Variants in ARHGAP35 observed in about 807,000 individuals in gnomAD.
ARHGAP35 encodes Rho GTPase activating protein 35, also known as rho GTPase-activating protein 35.
In ARHGAP35, 15 loss-of-function variants were observed where a neutral mutation model predicts 111.1. The observed-to-expected ratio is 0.13, with a 90% CI of 0.09 to 0.21. The LOEUF (loss-of-function observed/expected upper bound fraction) is 0.21, where lower values mean the gene tolerates loss of function less well. Ranked by LOEUF, ARHGAP35 falls within the 10% of genes least tolerant of loss-of-function variation. The pLI, the probability that ARHGAP35 is intolerant of heterozygous loss-of-function variation, is 1.00. For missense variants in ARHGAP35, 1,262 were observed against 1,873.0 expected, an observed-to-expected ratio of 0.67 and a Z score of 6.02; for synonymous variants, 643 against 710.3, an observed-to-expected ratio of 0.91 and a Z score of 1.51.
intron 3 of ARHGAP35, among the ~76,000 whole-genome samples, chr19:46,978,686 G>GTGGGAT (rs139649951): frequency 2.5e-5 from 2 of 80,010 alleles, no homozygotes; most frequent in Admixed American, 1.3e-4. Context: ...TGTGTGGTGG[G>GTGGGAT]ATGTGTGTGT....
chr19:46,878,978 T>G (rs923572496), intron 1 of ARHGAP35, among the ~76,000 whole-genome samples: 1 of 152,232 alleles, frequency 6.6e-6, no homozygotes, highest in African/African-American at 2.4e-5. Context: ...GTGAAAGATT[T>G]CTGTATAGCA....
intron 1 of ARHGAP35, among the ~76,000 whole-genome samples, chr19:46,879,020 G>A (rs1042895287): frequency 1.3e-4 from 20 of 152,168 alleles, no homozygotes; most frequent in African/African-American, 4.6e-4. Context: ...TTTATCCACC[G>A]TAGAACTTCT....
rs2056765515 is a variant in ARHGAP35, at chr19:47,004,422, C to CT, written c.*3734_*3735insT. ...CTGGCCTCCCCCAGCCCTCCCGTGGCGGAGCCGGCAGCGATGCTACAGGCC... is the reference window on the plus strand; with the variant it reads ...CTGGCCTCCCCCAGCCCTCCCGTGGCTGGAGCCGGCAGCGATGCTACAGGCC... On this transcript the variant is annotated 3_prime_UTR_variant, in exon 7 of 7. Coordinates refer to ENST00000672722, the MANE Select transcript of ARHGAP35 (RefSeq NM_004491.5). 2.0e-5 allele frequency: 3 copies of CT among 152,290 alleles called. No homozygotes were observed. Among genetic ancestry groups the CT allele is most frequent in the Non-Finnish European group, 4.4e-5 (3 of 68,036 alleles). The allele number at this position is 152,290 out of a possible 1,614,324, so 9.4% of individuals were successfully genotyped here. A position where few individuals can be genotyped will look rare whatever the true frequency, so the allele number is the denominator to read the frequency against.
chr19:46,977,140 C>T lies in ARHGAP35; in HGVS notation c.3827-10849C>T, dbSNP rs555912368. Among the ~76,000 whole-genome samples the T allele has an allele frequency of 4.6e-5, 7 of 152,352 alleles. No homozygotes were observed. In the East Asian group the frequency reaches 9.6e-4, roughly 21 times the overall value. On this transcript the variant is annotated intron_variant, in intron 3 of 6. Coordinates refer to ENST00000672722, the MANE Select transcript of ARHGAP35 (RefSeq NM_004491.5). ...AGCCCATTAGCAAGAATGTGGCCAG[C>T]TTCTGCAGGGGGCGTGGCCCTGTGG...
At chr19:46,985,141 CTT>C (rs1297977079) in intron 3 of ARHGAP35, among the ~76,000 whole-genome samples, 2 of 152,178 alleles carry the variant, frequency 1.3e-5, no homozygotes, top group Non-Finnish European at 2.9e-5. Context: ...GAGATGAAGA[CTT>C]GAGCCTGCTG....
At chr19:46,943,599 C>A (rs1045584228) in intron 3 of ARHGAP35, among the ~76,000 whole-genome samples, 7 of 152,124 alleles carry the variant, frequency 4.6e-5, no homozygotes, top group African/African-American at 1.7e-4. Flanking sequence ...ATGTAGTATT[C>A]CAGGCAGGGA....
In ARHGAP35 at chr19:46,921,974, A is replaced by C; in HGVS notation, c.3299A>C (p.Glu1100Ala). 6.2e-7 allele frequency: 1 copy of C among 1,613,990 alleles called. No homozygotes were observed. Among genetic ancestry groups the C allele is most frequent in the Non-Finnish European group, 8.5e-7 (1 of 1,179,880 alleles). Reference sequence around the variant, plus strand: ...GATGCTGTGGTGAAGCCAAGGAATGAAGAAGAAAACATATACTCCGTGCCC... The same window carrying C: ...GATGCTGTGGTGAAGCCAAGGAATGCAGAAGAAAACATATACTCCGTGCCC... ...PMDAVVKPRN[E>A]EENIYSVPHD... Residue 1100 changes from glutamate (E) to alanine (A), a missense_variant, in exon 2 of 7, where the codon GAA (glutamate) becomes GCA (alanine). Physicochemically the swap from Glu to Ala is moderately radical, Grantham distance 107 (BLOSUM62 -1). Transcript: ENST00000672722. This position sits in a 1 kb window ranked among gnomAD's most constrained non-coding sequence, Gnocchi z 4.3.
intron 3 of ARHGAP35, among the ~76,000 whole-genome samples, chr19:46,951,614 T>A (rs1395623373): frequency 2.0e-5 from 3 of 152,202 alleles, no homozygotes; most frequent in Non-Finnish European, 4.4e-5. Context: ...AGTCATGAGA[T>A]GATTCAGTAT....
chr19:46,872,185 C>T (rs922595848), intron 1 of ARHGAP35, among the ~76,000 whole-genome samples: 16 of 151,726 alleles, frequency 1.1e-4, no homozygotes, highest in Admixed American at 9.9e-4. Context: ...GAATACTTGA[C>T]GTGGGAAAGT....
rs1340540153 is a variant in ARHGAP35 at position 46,992,871 on chromosome 19, T to G, written c.4036+3196T>G. 2.0e-5 allele frequency among the ~76,000 whole-genome samples: 3 copies of G among 152,308 alleles called. No individual in the cohort carries two copies. In the East Asian group the frequency reaches 5.8e-4, roughly 29 times the overall value. On this transcript the variant is annotated intron_variant, in intron 5 of 6. Coordinates refer to ENST00000672722, the MANE Select transcript of ARHGAP35 (RefSeq NM_004491.5). The surrounding 1 kb of genome is among the most constrained non-coding windows in gnomAD (Gnocchi z 4.4). ...TGGGGCTAGAGATAACAGTGCAGCC[T>G]AGGTTACCAGGGGACGGCCCTGCTG...
intron 1 of ARHGAP35, among the ~76,000 whole-genome samples, chr19:46,888,315 T>TAA (rs1361039769): frequency 1.6e-4 from 9 of 55,436 alleles, no homozygotes; most frequent in Non-Finnish European, 2.4e-4. Flanking sequence ...TATATATATA[T>TAA]ATAAAATATT....
At chr19:46,936,167 AG>A (rs2122223609) in intron 2 of ARHGAP35, among the ~76,000 whole-genome samples, 1 of 152,296 alleles carries the variant, frequency 6.6e-6, no homozygotes, top group South Asian at 2.1e-4. Context: ...ACTTGAGCCC[AG>A]GAGGTCCAGG....
chr19:46,953,407 C>A (rs1599843641), intron 3 of ARHGAP35, among the ~76,000 whole-genome samples: 1 of 152,192 alleles, frequency 6.6e-6, no homozygotes, highest in South Asian at 2.1e-4. Flanking sequence ...ACCTTTCAGA[C>A]AGAGAGAACA....
intron 1 of ARHGAP35, among the ~76,000 whole-genome samples, chr19:46,868,453 G>T (rs544949181): frequency 6.6e-6 from 1 of 152,284 alleles, no homozygotes; most frequent in Non-Finnish European, 1.5e-5. Context: ...ATGTGATCCT[G>T]TATTAATAGT....
In ARHGAP35 at chr19:46,930,569, C is replaced by T. The variant is rs916158852; in HGVS notation, c.3682-6695C>T. 4.2e-5 allele frequency among the ~76,000 whole-genome samples: 6 copies of T among 142,070 alleles called. 1 individual carries two copies. Among genetic ancestry groups the T allele is most frequent in the South Asian group, 4.8e-4 (2 of 4,156 alleles). 93.2% of individuals were successfully genotyped at this position (142,070 alleles called of 152,430 possible). A position where few individuals can be genotyped will look rare whatever the true frequency, so the allele number is the denominator to read the frequency against. On this transcript the variant is annotated intron_variant, in intron 2 of 6. Transcript: ENST00000672722. Reference sequence around the variant, plus strand: ...TTACCAAGCATTTAAAAGGTTTAAACGGCTATACTAGATGGTACAACTCTA... The same window carrying T: ...TTACCAAGCATTTAAAAGGTTTAAATGGCTATACTAGATGGTACAACTCTA...
At position 46,923,416 on chromosome 19, in the gene ARHGAP35, A is replaced by G. The variant is rs556540418; in HGVS notation, c.3681+1060A>G. On this transcript the variant is annotated intron_variant, in intron 2 of 6. Coordinates refer to ENST00000672722, the MANE Select transcript of ARHGAP35 (RefSeq NM_004491.5). Reference sequence around the variant, plus strand: ...GGCGTGAGCCACCGCGCCCGGCTGCAGATGAAGTCTCTTATCCTGCGTAGA... The same window carrying G: ...GGCGTGAGCCACCGCGCCCGGCTGCGGATGAAGTCTCTTATCCTGCGTAGA... 4.6e-5 allele frequency among the ~76,000 whole-genome samples: 7 copies of G among 152,182 alleles called. No individual in the cohort carries two copies. The South Asian group carries it at 1.2e-3, about 27-fold the overall frequency.
At chr19:46,987,218 C>CTTTT (rs370500363) in intron 3 of ARHGAP35, among the ~76,000 whole-genome samples, 5 of 115,590 alleles carry the variant, frequency 4.3e-5, no homozygotes, top group South Asian at 2.8e-4. Flanking sequence ...TCTTTTTTTT[C>CTTTT]TTTTTTTTTT....
At chr19:46,872,822 A>G (rs939212950) in intron 1 of ARHGAP35, among the ~76,000 whole-genome samples, 5 of 151,258 alleles carry the variant, frequency 3.3e-5, no homozygotes, top group Non-Finnish European at 7.4e-5. Context: ...CGGAGCTTGC[A>G]GTGAGCCGAG....
chr19:46,881,177 T>C (rs1568459861), intron 1 of ARHGAP35, among the ~76,000 whole-genome samples: 1 of 152,160 alleles, frequency 6.6e-6, no homozygotes, highest in East Asian at 1.9e-4. Flanking sequence ...ACTCCTGATG[T>C]AATCCACCCA....
Sources: allele counts gnomAD v4.1 joint callset (sites outside exome capture counted in the v4.1 genomes callset), GRCh38; gene constraint gnomAD v4.1.1; non-coding constraint Gnocchi (gnomAD v3.1); transcripts MANE v1.5; gene names NCBI Gene and HGNC (gene_info 2026-07-23, HGNC 2026-07-21).